Variants in PLCG2 observed in about 807,000 individuals in gnomAD.
PLCG2 encodes the protein phospholipase C gamma 2.
In PLCG2, 69 loss-of-function variants were observed where a neutral mutation model predicts 175.6. That is an observed-to-expected ratio of 0.39 (90% CI 0.32 to 0.48). The LOEUF (loss-of-function observed/expected upper bound fraction) is 0.48, where lower values mean the gene tolerates loss of function less well. PLCG2 is among the 20% of genes least tolerant of loss of function. The probability of loss-of-function intolerance (pLI) is 0.91; values close to 1 mark genes in which losing one functional copy is unlikely to be tolerated. For missense variants in PLCG2, 1,798 were observed against 1,650.9 expected (o/e 1.09, Z -1.54); for synonymous variants, 827 against 624.0 (o/e 1.33, Z -4.85).
At chr16:81,854,898 T>G (rs1906604198) in intron 3 of PLCG2, among the ~76,000 whole-genome samples, 1 of 152,146 alleles carries the variant, frequency 6.6e-6, no homozygotes, top group South Asian at 2.1e-4. Context: ...TAGATAGTTT[T>G]AACACTGAAG....
At chr16:81,805,769 T>G (rs1911984986) in intron 2 of PLCG2, among the ~76,000 whole-genome samples, 1 of 86,284 alleles carries the variant, frequency 1.2e-5, no homozygotes, top group African/African-American at 4.5e-5. Flanking sequence ...TTTGTTTTGT[T>G]TTTTTTTTTT....
rs1256152445 is a variant in PLCG2 at position 81,763,021 on chromosome 16, T to C, written c.-48+7055T>C. On this transcript the variant is annotated intron_variant, in intron 2 of 5. Transcript: ENST00000565054. ...GCAGTGAGATATGATCATGCCACTG[T>C]ATTCTAGCCTGGGCAACAGAGTGAG... 5.3e-5 allele frequency among the ~76,000 whole-genome samples: 8 copies of C among 152,044 alleles called. No homozygotes were observed. In the South Asian group the frequency reaches 1.0e-3, roughly 20 times the overall value.
At position 81,794,580 on chromosome 16, in the gene PLCG2, C is replaced by G. The variant is rs1047672199; in HGVS notation, c.193+8398C>G. ...GGTAGGGGTGTGACCTTGGGTCTCTCATGTCACCTCTTTGGGCCTCCATTT... is the reference window on the plus strand; with the variant it reads ...GGTAGGGGTGTGACCTTGGGTCTCTGATGTCACCTCTTTGGGCCTCCATTT... On this transcript the variant is annotated intron_variant, in intron 2 of 32. Transcript: ENST00000564138. Among the ~76,000 whole-genome samples the G allele has an allele frequency of 1.7e-4, 26 of 152,272 alleles. No homozygotes were observed. The East Asian group carries it at 4.8e-3, about 28-fold the overall frequency.
chr16:81,950,256 G>C (rs552147196), intron 31 of PLCG2, among the ~76,000 whole-genome samples: 1 of 152,164 alleles, frequency 6.6e-6, no homozygotes, highest in Non-Finnish European at 1.5e-5. Context: ...ATGGATGGAA[G>C]AGTTACTGGG....
In PLCG2 at chr16:81,883,557, G is replaced by C. The variant is rs557856755; in HGVS notation, c.765+216G>C. ...GCCACTGAAACTCTGGATGAGAAGA[G>C]CCTCATGTCGGGCCTCTTTTGAAGG... On this transcript the variant is annotated intron_variant, in intron 9 of 32. Transcript: ENST00000564138. 8 of 587,868 alleles carry C rather than the reference G, an allele frequency of 1.4e-5. No individual in the cohort carries two copies. The East Asian group carries it at 2.3e-4, about 17-fold the overall frequency. The allele number at this position is 587,868 out of a possible 1,614,324, so 36.4% of individuals were successfully genotyped here. A position where few individuals can be genotyped will look rare whatever the true frequency, so the allele number is the denominator to read the frequency against.
At chr16:81,881,772 T>A (rs1908091428) in intron 8 of PLCG2, among the ~76,000 whole-genome samples, 1 of 152,064 alleles carries the variant, frequency 6.6e-6, no homozygotes. Context: ...ATCCTCCGAA[T>A]AGCTGGGACT....
intron 21 of PLCG2, 124 bp downstream of exon 21, chr16:81,921,393 T>TG (rs771345116): frequency 3.6e-5 from 22 of 603,934 alleles, no homozygotes; most frequent in African/African-American, 2.3e-4. Context: ...CCAAAATAAT[T>TG]TTTTTTTTTT....
chr16:81,760,852 G>T (rs1003758844), intron 2 of PLCG2, among the ~76,000 whole-genome samples: 1 of 151,860 alleles, frequency 6.6e-6, no homozygotes, highest in Non-Finnish European at 1.5e-5. Context: ...CTCATCTCTG[G>T]CTAGGAGCTC....
At chr16:81,917,948 C>G (rs978423987) in intron 19 of PLCG2, among the ~76,000 whole-genome samples, 1 of 152,144 alleles carries the variant, frequency 6.6e-6, no homozygotes, top group Non-Finnish European at 1.5e-5. Flanking sequence ...GTATCGAACT[C>G]CTGACCTCAA....
chr16:81,823,495 T>G (rs936864064), intron 2 of PLCG2, among the ~76,000 whole-genome samples: 5 of 152,148 alleles, frequency 3.3e-5, no homozygotes, highest in Non-Finnish European at 7.3e-5. Flanking sequence ...TAGCTTGGAT[T>G]TGTGTTGAAG....
intron 5 of PLCG2, among the ~76,000 whole-genome samples, chr16:81,861,531 T>C (rs1039036823): frequency 1.1e-4 from 17 of 152,218 alleles, no homozygotes. Context: ...CTCCGTCCTC[T>C]TCTTCTCATC....
intron 2 of PLCG2, among the ~76,000 whole-genome samples, chr16:81,815,272 C>T (rs77978782): frequency 0.027 from 4,171 of 152,226 alleles, 76 homozygotes; most frequent in Non-Finnish European, 0.042. Context: ...CCCTGGTGGG[C>T]CCAGGCTAGA....
chr16:81,797,837 C>CTTT (rs35558572), intron 2 of PLCG2, among the ~76,000 whole-genome samples: 2 of 145,598 alleles, frequency 1.4e-5, no homozygotes. Context: ...TTTTTCTTGT[C>CTTT]TTTTTTTTTT....
chr16:81,910,714 C>T lies in PLCG2; in HGVS notation c.1928C>T (p.Ser643Phe), dbSNP rs1567528696. 1 of 1,607,986 alleles carries T rather than the reference C, an allele frequency of 6.2e-7. No homozygotes were observed. Among genetic ancestry groups the T allele is most frequent in the Admixed American group, 1.7e-5 (1 of 60,024 alleles). ...GTGCCCAACCCCAACCCCCACGAGT[C>T]CAAGCCGTACGTGTCTGAGGGTGGA... ...DPVPNPNPHE[S>F]KPWYYDSLSR... Residue 643 changes from serine (S) to phenylalanine (F), a missense_variant, in exon 18 of 33, where the codon TCC becomes TTC. Physicochemically the swap from Ser to Phe is radical, Grantham distance 155 (BLOSUM62 -2). Coordinates refer to ENST00000564138, the MANE Select transcript of PLCG2 (RefSeq NM_002661.5).
intron 2 of PLCG2, among the ~76,000 whole-genome samples, chr16:81,809,586 C>G (rs948217050): frequency 2.0e-5 from 3 of 152,150 alleles, no homozygotes; most frequent in Non-Finnish European, 2.9e-5. Context: ...CTGGGGGAAC[C>G]CAGATGAAGA....
At chr16:81,759,745 T>G (rs1399413802) in intron 2 of PLCG2, among the ~76,000 whole-genome samples, 1 of 152,260 alleles carries the variant, frequency 6.6e-6, no homozygotes, top group Non-Finnish European at 1.5e-5. Context: ...AAATTTCCCT[T>G]AAATTGTACG....
chr16:81,776,148 G>A (rs534316693), upstream of PLCG2, among the ~76,000 whole-genome samples: 26 of 56,024 alleles, frequency 4.6e-4, no homozygotes, highest in African/African-American at 1.2e-3. Flanking sequence ...TCACTCTGTT[G>A]CCCAGGCTAG....
rs753848070 is a variant in PLCG2 at position 81,854,562 on chromosome 16, C to T, written c.312C>T (p.Phe104=). ...TCACCATCCTATATGGCACTCAGTTCGTCCTCAGCACGCTCAGCTTGGCAG... is the reference window on the plus strand; with the variant it reads ...TCACCATCCTATATGGCACTCAGTTTGTCCTCAGCACGCTCAGCTTGGCAG... ...CCFTILYGTQ[F]VLSTLSLAAD... The change falls in exon 3 of 33, where the codon TTC becomes TTT. Residue 104 remains phenylalanine, a synonymous_variant. Coordinates refer to ENST00000564138, the MANE Select transcript of PLCG2 (RefSeq NM_002661.5). 5.6e-6 allele frequency: 9 copies of T among 1,613,998 alleles called. 1 individual carries two copies. Among genetic ancestry groups the T allele is most frequent in the East Asian group, 4.5e-5 (2 of 44,888 alleles).
chr16:81,897,404 A>T (rs1168327914), intron 13 of PLCG2, among the ~76,000 whole-genome samples: 1 of 152,242 alleles, frequency 6.6e-6, no homozygotes, highest in East Asian at 1.9e-4. Flanking sequence ...AATAGAGGTG[A>T]TAACTGTGTG....
Sources: allele counts gnomAD v4.1 joint callset (sites outside exome capture counted in the v4.1 genomes callset), GRCh38; gene constraint gnomAD v4.1.1; transcripts MANE v1.5; gene names NCBI Gene and HGNC (gene_info 2026-07-23, HGNC 2026-07-21).